Variants in TBX22 observed in about 807,000 individuals in gnomAD.
TBX22 encodes the protein T-box transcription factor 22.
A neutral mutation model predicts 30.1 loss-of-function variants in TBX22; 8 were observed. The ratio of observed to expected loss-of-function variants is 0.27; its 90% CI spans 0.16 to 0.48. The LOEUF is 0.48. TBX22 is among the 20% of genes least tolerant of loss of function. The pLI is 0.99. For missense variants in TBX22, 463 were observed against 400.5 expected, an observed-to-expected ratio of 1.16 and a Z score of -1.33; for synonymous variants, 173 against 149.1, an observed-to-expected ratio of 1.16 and a Z score of -1.17.
chrX:80,024,132 C>T lies in TBX22; in HGVS notation c.426C>T (p.Ile142=), dbSNP rs1393937543. 9.9e-6 allele frequency: 12 copies of T among 1,210,919 alleles called. No homozygotes were observed. The highest frequency in any genetic ancestry group is 1.3e-5 in the Non-Finnish European group (12 of 895,102). The change falls in exon 4 of 9, where the codon ATC becomes ATT. Residue 142 remains isoleucine, a synonymous_variant. Coordinates refer to ENST00000373296, the MANE Select transcript of TBX22 (RefSeq NM_001109878.2). ...CAGGGAAGCAGTACCATGTGGCCAT[C>T]GATGTGGTGCCGGTGGATTCCAAAC... ...LDPGKQYHVA[I]DVVPVDSKRY... is the part of the protein sequence containing the mutation.
intron 1 of TBX22, 62 bp from the exon 2 acceptor site, chrX:80,022,206 C>G: frequency 4.4e-6 from 5 of 1,125,763 alleles, no homozygotes; most frequent in Non-Finnish European, 6.1e-6. Context: ...GTGTCTCCCC[C>G]TCCCTCCCTA....
chrX:80,023,032 A>G (rs751684530), intron 2 of TBX22, 28 bp from the exon 3 acceptor site: 2 of 1,207,130 alleles, frequency 1.7e-6, no homozygotes, highest in Non-Finnish European at 2.2e-6. Context: ...GCTCTCTCAA[A>G]CCCTGAGCGC....
chrX:80,025,301 A>G (rs1437350119), intron 4 of TBX22, among the ~76,000 whole-genome samples: 2 of 111,994 alleles, frequency 1.8e-5, no homozygotes, highest in African/African-American at 6.5e-5. Context: ...GGATTTTTCC[A>G]TTATCTCTGT....
intron 1 of TBX22, among the ~76,000 whole-genome samples, chrX:80,020,914 C>T (rs1273939468): frequency 9.0e-6 from 1 of 111,568 alleles, no homozygotes; most frequent in Non-Finnish European, 1.9e-5. Flanking sequence ...AATGCAAATG[C>T]TATTAGTTAA....
chrX:80,022,269 G>A lies in TBX22; in HGVS notation c.-1G>A. 8.3e-7 allele frequency: 1 copy of A among 1,210,911 alleles called. No individual in the cohort carries two copies. Among genetic ancestry groups the A allele is most frequent in the Non-Finnish European group, 1.1e-6 (1 of 895,279 alleles). ...AAAGAATCCCTTCACCCCCTCCAGG[G>A]ATGGCTCTGAGCTCTCGGGCGCGTG... On this transcript the variant is annotated splice_region_variant and 5_prime_UTR_variant, in exon 2 of 9. Transcript: ENST00000373296.
intron 7 of TBX22, 135 bp from the exon 8 acceptor site, chrX:80,027,856 T>C (rs1159231474): frequency 1.9e-6 from 1 of 532,849 alleles, no homozygotes; most frequent in Non-Finnish European, 3.2e-6. Context: ...TTGACTGAAT[T>C]TTATTCAGAA....
In TBX22 at chrX:80,022,415, G is replaced by C. The variant is rs758412350; in HGVS notation, c.146G>C (p.Ser49Thr). The C allele has an allele frequency of 1.7e-6, 2 of 1,196,987 alleles. No individual in the cohort carries two copies. Among genetic ancestry groups the C allele is most frequent in the South Asian group, 3.6e-5 (2 of 54,971 alleles). The change falls in exon 2 of 9, where the codon AGC becomes ACC. Residue 49 changes from serine to threonine, a missense_variant. Transcript: ENST00000373296. ...GGAGAGGAAGAGGAGGAGAGAAGGA[G>C]CAGCGCTGCAGGGAAGAGCGAGCCG... The part of the protein sequence containing the change: ...KGGEEEEERR[S>T]SAAGKSEPLE...
Position 80,022,513 on chromosome X carries a change from C to T in TBX22, c.175+69C>T, listed in dbSNP as rs777096494. On this transcript the variant is annotated intron_variant, in intron 2 of 8. Coordinates refer to ENST00000373296, the MANE Select transcript of TBX22 (RefSeq NM_001109878.2). ...GTTCCGCATCTCTCCGCCTGGCTCG[C>T]GTCCCGACGCAGCCAGACAGCCACA... 4.7e-5 allele frequency: 50 copies of T among 1,072,101 alleles called. No individual in the cohort carries two copies. The East Asian group carries it at 1.4e-3, about 30-fold the overall frequency. The allele number at this position is 1,072,101 out of a possible 1,213,427, so 88.4% of individuals were successfully genotyped here. A position where few individuals can be genotyped will look rare whatever the true frequency, so the allele number is the denominator to read the frequency against.
In TBX22 at chrX:80,030,535, A is replaced by T. The variant is rs1159549443; in HGVS notation, c.987A>T (p.Gly329=). 2 of 1,208,730 alleles carry T rather than the reference A, an allele frequency of 1.7e-6. No homozygotes were observed. Among genetic ancestry groups the T allele is most frequent in the African/African-American group, 3.5e-5 (2 of 57,026 alleles). The part of the protein sequence containing the change: ...SSGSSPVTSS[G]GAPSPLNSLL... ...GCTCATCTCCAGTGACCTCTAGTGG[A>T]GGGGCCCCCTCTCCTTTGAACTCCT... The change falls in exon 9 of 9, where the codon GGA becomes GGT. Residue 329 remains glycine, a synonymous_variant. Transcript: ENST00000373296.
In TBX22 at chrX:80,023,041, G is replaced by A. The variant is rs757729370; in HGVS notation, c.176-19G>A. The A allele has an allele frequency of 5.8e-6, 7 of 1,208,917 alleles. No homozygotes were observed. The highest frequency in any genetic ancestry group is 7.8e-6 in the Non-Finnish European group (7 of 893,644). ...TGTGACGCTCTCTCAAACCCTGAGC[G>A]CCTTTCTGTGTCCAGCAGAAAAACA... is the stretch of plus-strand genomic sequence containing the variant. On this transcript the variant is annotated intron_variant, in intron 2 of 8. Transcript: ENST00000373296.
chrX:80,024,691 C>G (rs1349229690), intron 4 of TBX22, among the ~76,000 whole-genome samples: 1 of 112,048 alleles, frequency 8.9e-6, no homozygotes, highest in Non-Finnish European at 1.9e-5. Flanking sequence ...CATCTTTAAC[C>G]TTTCCCCTGA....
At chrX:80,029,506 A>C (rs1223646991) in intron 8 of TBX22, among the ~76,000 whole-genome samples, 1 of 112,226 alleles carries the variant, frequency 8.9e-6, no homozygotes. Flanking sequence ...TGCAGTATGG[A>C]AATTGCCCCA....
At chrX:80,016,277 C>T (rs1021730758) in intron 1 of TBX22, among the ~76,000 whole-genome samples, 5 of 111,596 alleles carry the variant, frequency 4.5e-5, no homozygotes, top group African/African-American at 6.5e-5. Flanking sequence ...AAGATTAGCA[C>T]GAGATTTGGT....
chrX:80,025,460 G>A, intron 4 of TBX22, 143 bp from the exon 5 acceptor site: 1 of 532,751 alleles, frequency 1.9e-6, no homozygotes, highest in Non-Finnish European at 3.4e-6. Context: ...TGCCCCGAAT[G>A]CTTGTTAGAA....
intron 8 of TBX22, among the ~76,000 whole-genome samples, chrX:80,029,211 G>A (rs1212765425): frequency 8.9e-6 from 1 of 111,745 alleles, no homozygotes; most frequent in African/African-American, 3.2e-5. Flanking sequence ...TTGCCATCTT[G>A]TTGATGAAGG....
At chrX:80,024,551 G>T (rs1273539735) in intron 4 of TBX22, among the ~76,000 whole-genome samples, 1 of 110,958 alleles carries the variant, frequency 9.0e-6, no homozygotes, top group African/African-American at 3.3e-5. Context: ...CAGGCTCTAT[G>T]GGAGCCTGGG....
chrX:80,021,293 T>C (rs1318370510), intron 1 of TBX22, among the ~76,000 whole-genome samples: 1 of 111,811 alleles, frequency 8.9e-6, no homozygotes, highest in Non-Finnish European at 1.9e-5. Flanking sequence ...TATAGGAATA[T>C]TGGGCTCCAG....
Position 80,030,734 on chromosome X carries a change from A to G in TBX22, c.1186A>G (p.Ser396Gly). 1 of 1,212,037 alleles carries G rather than the reference A, an allele frequency of 8.3e-7. No homozygotes were observed. The highest frequency in any genetic ancestry group is 1.1e-6 in the Non-Finnish European group (1 of 895,568). The change falls in exon 9 of 9, where the codon AGC (serine) becomes GGC (glycine). Residue 396 changes from serine (S) to glycine (G), a missense_variant. By Grantham distance (56) the Ser-to-Gly change is moderately conservative. Coordinates refer to ENST00000373296, the MANE Select transcript of TBX22 (RefSeq NM_001109878.2). ...LVLPAPERLASSNSSQSLAPL... is the reference protein window; with the variant it reads ...LVLPAPERLAGSNSSQSLAPL... ...TTTACCGGCTCCTGAAAGACTAGCA[A>G]GCAGCAACAGTTCTCAGTCTTTAGC...
chrX:80,028,102 T>A (rs747354924), intron 8 of TBX22, 26 bp downstream of exon 8: 1 of 1,124,410 alleles, frequency 8.9e-7, no homozygotes, highest in South Asian at 1.8e-5. Context: ...ACGTTTGTTT[T>A]ATTTTTACAT....
Sources: gnomAD v4.1 joint callset for allele counts (sites outside exome capture counted in the v4.1 genomes callset) on GRCh38, gnomAD v4.1.1 for gene constraint, MANE v1.5 for transcripts, NCBI Gene and HGNC (gene_info 2026-07-23, HGNC 2026-07-21) for gene names.